The following TAF3 variants were observed in gnomAD, a reference collection of about 807,000 sequenced individuals.
The protein encoded by TAF3 is TATA-box binding protein associated factor 3, also known as transcription initiation factor TFIID subunit 3.
Under a neutral mutation model 80.6 loss-of-function variants are expected in TAF3, and 7 were observed. That is an observed-to-expected ratio of 0.09 (90% confidence interval 0.05 to 0.16). The LOEUF is 0.16. Ranked by LOEUF, TAF3 falls within the 10% of genes least tolerant of loss-of-function variation. TAF3 has a pLI of 1.00. For missense variants in TAF3, 921 were observed against 1,140.2 expected (o/e 0.81, Z 2.77); for synonymous variants, 444 against 446.1 (o/e 1.00, Z 0.06).
intron 2 of TAF3, chr10:7,833,506 T>C (rs1468780605): frequency 6.6e-6 from 1 of 152,360 alleles, no homozygotes; most frequent in Non-Finnish European, 1.5e-5. Context: ...TTTTGAGGAA[T>C]GTCTATTCAT....
intron 2 of TAF3, among the ~76,000 whole-genome samples, chr10:7,869,920 A>G (rs919015979): frequency 1.3e-5 from 2 of 152,170 alleles, no homozygotes; most frequent in East Asian, 1.9e-4. Context: ...TGCCTCTTTT[A>G]TCACGCCTGA....
At chr10:7,962,624 T>C (rs1267545953) in intron 2 of TAF3, among the ~76,000 whole-genome samples, 1 of 152,224 alleles carries the variant, frequency 6.6e-6, no homozygotes, top group Admixed American at 6.5e-5. Context: ...CATCTATTTG[T>C]CATCTGACCC....
intron 2 of TAF3, among the ~76,000 whole-genome samples, chr10:7,947,684 A>G (rs894614928): frequency 6.6e-6 from 1 of 152,214 alleles, no homozygotes; most frequent in African/African-American, 2.4e-5. Flanking sequence ...AGATGCCAGC[A>G]TGGCTTGATG....
intron 2 of TAF3, among the ~76,000 whole-genome samples, chr10:7,925,808 A>G (rs1027215810): frequency 1.8e-4 from 26 of 140,890 alleles, no homozygotes; most frequent in Non-Finnish European, 3.1e-4. Context: ...CAAAAAAAAA[A>G]AAAAGAAAAG....
At chr10:7,954,646 G>C (rs1838117627) in intron 2 of TAF3, among the ~76,000 whole-genome samples, 1 of 139,494 alleles carries the variant, frequency 7.2e-6, no homozygotes, top group African/African-American at 2.6e-5. Flanking sequence ...GTGAGATTCA[G>C]AGTGCACTCC....
At chr10:7,909,261 G>T (rs769434795) in intron 2 of TAF3, among the ~76,000 whole-genome samples, 2 of 152,180 alleles carry the variant, frequency 1.3e-5, no homozygotes, top group African/African-American at 4.8e-5. Context: ...TTCTGAGAGG[G>T]CTCTAGTTGA....
intron 2 of TAF3, among the ~76,000 whole-genome samples, chr10:7,857,759 A>T (rs1408733405): frequency 6.9e-6 from 1 of 145,222 alleles, no homozygotes; most frequent in African/African-American, 2.5e-5. Flanking sequence ...TATTTACCTC[A>T]GTATCTTAAG....
intron 2 of TAF3, among the ~76,000 whole-genome samples, chr10:7,848,542 AGGTCCCTCGACCT>A (rs148100093): frequency 0.18 from 27,278 of 152,142 alleles, 2,527 homozygotes; most frequent in South Asian, 0.26. Context: ...AACCCCTTCC[AGGTCCCTCGACCT>A]GGTCCCTCGA....
At chr10:7,855,772 A>G (rs1022668407) in intron 2 of TAF3, among the ~76,000 whole-genome samples, 1 of 152,080 alleles carries the variant, frequency 6.6e-6, no homozygotes, top group Non-Finnish European at 1.5e-5. Flanking sequence ...CAGTCATGCA[A>G]GAGGAATTAA....
chr10:7,939,997 A>C (rs1837962246), intron 2 of TAF3, among the ~76,000 whole-genome samples: 1 of 152,214 alleles, frequency 6.6e-6, no homozygotes, highest in African/African-American at 2.4e-5. Context: ...ATGACTGAAT[A>C]AAAATGCATA....
At chr10:7,992,146 T>C (rs1371975820) in intron 4 of TAF3, among the ~76,000 whole-genome samples, 1 of 152,214 alleles carries the variant, frequency 6.6e-6, no homozygotes, top group Non-Finnish European at 1.5e-5. Flanking sequence ...TCATTTGGCT[T>C]TGCTTTTTCA....
intron 6 of TAF3, 47 bp from the exon 7 acceptor site, chr10:8,014,590 A>G: frequency 6.7e-7 from 1 of 1,499,054 alleles, no homozygotes; most frequent in Non-Finnish European, 9.1e-7. Context: ...GGAGAAGAAT[A>G]GATGTCTGTA....
chr10:7,895,407 C>T (rs1161896147), intron 2 of TAF3, among the ~76,000 whole-genome samples: 1 of 152,114 alleles, frequency 6.6e-6, no homozygotes, highest in Non-Finnish European at 1.5e-5. Flanking sequence ...TTATCTCTTC[C>T]TTAGACATCC....
chr10:7,969,951 A>G (rs536162714), intron 3 of TAF3, among the ~76,000 whole-genome samples: 5 of 152,342 alleles, frequency 3.3e-5, no homozygotes, highest in East Asian at 3.9e-4. Flanking sequence ...GCAGCATTCT[A>G]AAGTTTAACT....
chr10:7,863,656 C>T (rs1218481119), intron 2 of TAF3, among the ~76,000 whole-genome samples: 1 of 87,440 alleles, frequency 1.1e-5, no homozygotes, highest in Non-Finnish European at 2.2e-5. Flanking sequence ...TACACACACA[C>T]ATATATATAT....
chr10:7,851,055 A>G (rs1245565332), intron 2 of TAF3, among the ~76,000 whole-genome samples: 1 of 152,238 alleles, frequency 6.6e-6, no homozygotes, highest in East Asian at 1.9e-4. Context: ...ACAGAAAGGA[A>G]ATAATAAACA....
intron 4 of TAF3, among the ~76,000 whole-genome samples, chr10:8,003,271 T>C (rs1831961445): frequency 6.6e-6 from 1 of 152,150 alleles, no homozygotes. Flanking sequence ...TTTCCTCATA[T>C]TATACGTTGT....
rs2137853 is a variant in TAF3, at chr10:8,009,060, C to A, written c.2316-18C>A. 789 of 1,593,826 alleles carry A rather than the reference C, an allele frequency of 5.0e-4. 6 individuals carry two copies. The African/African-American group carries it at 9.1e-3, about 18-fold the overall frequency. On this transcript the variant is annotated intron_variant, in intron 4 of 6. Transcript: ENST00000344293. The surrounding 1 kb of genome is among the most constrained non-coding windows in gnomAD (Gnocchi z 4.1). The stretch of plus-strand genomic sequence containing the variant: ...ATGATCCTGTTTTGACTTTTACCTT[C>A]TCTTCTTTTGTTGACAGTGTCATCA...
intron 2 of TAF3, among the ~76,000 whole-genome samples, chr10:7,894,149 AG>A (rs1398216560): frequency 6.6e-6 from 1 of 152,194 alleles, no homozygotes; most frequent in Non-Finnish European, 1.5e-5. Context: ...TAATGGAAGC[AG>A]GGGTTTGTAA....
Sources: gnomAD v4.1 joint callset for allele counts (sites outside exome capture counted in the v4.1 genomes callset) on GRCh38, gnomAD v4.1.1 for gene constraint, Gnocchi (gnomAD v3.1) non-coding constraint, MANE v1.5 for transcripts, NCBI Gene and HGNC (gene_info 2026-07-23, HGNC 2026-07-21) for gene names.